CEP63: variants seen among roughly 807,000 people sequenced by gnomAD.
CEP63 encodes centrosomal protein of 63 kDa.
A neutral mutation model predicts 89.1 loss-of-function variants in CEP63; 84 were observed. The observed-to-expected ratio is 0.94, with a 90% CI of 0.79 to 1.13. CEP63 has a LOEUF of 1.13. CEP63 is among the 50% of genes most tolerant of loss of function. The pLI is 0.00. For missense variants in CEP63, 838 were observed against 813.3 expected (o/e 1.03, Z -0.37); for synonymous variants, 267 against 272.5 (o/e 0.98, Z 0.20).
downstream of CEP63, among the ~76,000 whole-genome samples, chr3:134,565,506 C>G (rs1006763898): frequency 5.9e-5 from 9 of 152,126 alleles, no homozygotes. Flanking sequence ...ATACGTTAAG[C>G]AAACAGTTGT....
the CEP63 span, among the ~76,000 whole-genome samples, chr3:134,605,834 C>T: frequency 4.6e-5 from 7 of 152,264 alleles, no homozygotes; most frequent in East Asian, 7.7e-4. Context: ...CCCCTCTTTG[C>T]GACCCCCACT....
At chr3:134,584,303 G>A (rs150965159) in intron 10 of CEP63, among the ~76,000 whole-genome samples, 59 of 152,226 alleles carry the variant, frequency 3.9e-4, no homozygotes, top group African/African-American at 1.3e-3. Context: ...GTATGGTATC[G>A]GCTGTGGGTT....
At chr3:134,772,108 G>C in the CEP63 span, among the ~76,000 whole-genome samples, 2 of 152,194 alleles carry the variant, frequency 1.3e-5, no homozygotes, top group South Asian at 4.1e-4. Context: ...GATTAAAGCA[G>C]ACACAGGCAG....
the CEP63 span, among the ~76,000 whole-genome samples, chr3:134,741,499 C>G: frequency 4.6e-5 from 7 of 152,152 alleles, no homozygotes; most frequent in African/African-American, 1.7e-4. Context: ...CTATGCCTGG[C>G]CAGCCCCTGT....
At chr3:134,672,677 C>G in the CEP63 span, among the ~76,000 whole-genome samples, 1 of 152,216 alleles carries the variant, frequency 6.6e-6, no homozygotes, top group Non-Finnish European at 1.5e-5. Context: ...CTCTCCCTTG[C>G]CTTCTCTCCA....
chr3:134,520,923 A>G (rs1329234209), intron 3 of CEP63, among the ~76,000 whole-genome samples: 1 of 152,220 alleles, frequency 6.6e-6, no homozygotes, highest in Non-Finnish European at 1.5e-5. Context: ...AAGATTTTCT[A>G]GAAGATGACA....
At chr3:134,677,089 T>C in the CEP63 span, among the ~76,000 whole-genome samples, 1 of 151,980 alleles carries the variant, frequency 6.6e-6, no homozygotes, top group Non-Finnish European at 1.5e-5. Flanking sequence ...CCAAAAAAAT[T>C]AGCTGGGCGT....
At chr3:134,670,023 G>A in the CEP63 span, among the ~76,000 whole-genome samples, 1 of 152,162 alleles carries the variant, frequency 6.6e-6, no homozygotes, top group Admixed American at 6.5e-5. Flanking sequence ...TCTGCAATGA[G>A]AGGTTATGGT....
chr3:134,607,504 C>T, the CEP63 span: 28 of 985,690 alleles, frequency 2.8e-5, no homozygotes, highest in South Asian at 1.3e-3. Context: ...AGAGACGGTG[C>T]CACCAGGCAG....
At chr3:134,512,015 A>G (rs1945087323) in intron 3 of CEP63, among the ~76,000 whole-genome samples, 1 of 152,220 alleles carries the variant, frequency 6.6e-6, no homozygotes, top group Admixed American at 6.5e-5. Context: ...CAGAATGTAA[A>G]TCATTGTAGA....
chr3:134,518,127 A>G (rs1946628067), intron 3 of CEP63, among the ~76,000 whole-genome samples: 1 of 152,196 alleles, frequency 6.6e-6, no homozygotes, highest in Non-Finnish European at 1.5e-5. Context: ...CAATTCTATA[A>G]ATACTTAATA....
At chr3:134,585,321 A>G (rs1162792017) in intron 10 of CEP63, among the ~76,000 whole-genome samples, 1 of 152,060 alleles carries the variant, frequency 6.6e-6, no homozygotes, top group Admixed American at 6.6e-5. Flanking sequence ...TCTTGTGGGC[A>G]TTTAGTGCTA....
chr3:134,551,355 T>C (rs1051378581), intron 11 of CEP63, among the ~76,000 whole-genome samples: 13 of 151,996 alleles, frequency 8.6e-5, no homozygotes, highest in African/African-American at 2.4e-4. Context: ...AGGATACTTC[T>C]CATTTAGTGT....
the CEP63 span, among the ~76,000 whole-genome samples, chr3:134,750,400 A>G: frequency 1.3e-5 from 2 of 152,198 alleles, no homozygotes; most frequent in African/African-American, 2.4e-5. Context: ...TGGAACTCTG[A>G]GTGGAAGCAA....
chr3:134,581,772 T>A (rs1457165191), intron 10 of CEP63, among the ~76,000 whole-genome samples: 2 of 130,340 alleles, frequency 1.5e-5, no homozygotes, highest in Admixed American at 8.4e-5. Context: ...GCCTCCCGGG[T>A]TCACGCCATT....
intron 10 of CEP63, among the ~76,000 whole-genome samples, chr3:134,549,764 A>G (rs1379533851): frequency 6.6e-6 from 1 of 152,190 alleles, no homozygotes; most frequent in African/African-American, 2.4e-5. Context: ...TAAAAAAAAG[A>G]ATGAAGGTCA....
chr3:134,642,394 A>G, the CEP63 span, among the ~76,000 whole-genome samples: 1 of 152,162 alleles, frequency 6.6e-6, no homozygotes, highest in African/African-American at 2.4e-5. Flanking sequence ...AGCCTGTGAG[A>G]ATACTCAGAC....
rs1322531588 is a variant in CEP63 at position 134,563,958 on chromosome 3, C to G, written c.*2423C>G. The G allele has an allele frequency of 6.6e-6, 1 of 152,368 alleles. No individual in the cohort carries two copies. Among genetic ancestry groups the G allele is most frequent in the Non-Finnish European group, 1.5e-5 (1 of 68,154 alleles). The allele number at this position is 152,368 out of a possible 1,614,324, so 9.4% of individuals were successfully genotyped here. A position where few individuals can be genotyped will look rare whatever the true frequency, so the allele number is the denominator to read the frequency against. The stretch of plus-strand genomic sequence containing the variant: ...CCTTTGATTGGCGTTTTCCCCCTTG[C>G]AGACCTGCACTCTGGCATCCTCTCC... On this transcript the variant is annotated 3_prime_UTR_variant, in exon 15 of 15. Coordinates refer to ENST00000675561, the MANE Select transcript of CEP63 (RefSeq NM_001353108.3).
At chr3:134,583,512 G>A (rs1958411631) in intron 10 of CEP63, among the ~76,000 whole-genome samples, 1 of 152,178 alleles carries the variant, frequency 6.6e-6, no homozygotes, top group Admixed American at 6.5e-5. Context: ...TTATTTCTGA[G>A]GGCTCTGTTC....
Sources: gnomAD v4.1 joint callset for allele counts (sites outside exome capture counted in the v4.1 genomes callset) on GRCh38, gnomAD v4.1.1 for gene constraint, MANE v1.5 for transcripts, NCBI Gene and HGNC (gene_info 2026-07-23, HGNC 2026-07-21) for gene names.